The following NDUFV2 variants were observed in gnomAD, a reference collection of about 807,000 sequenced individuals.
NDUFV2 encodes the protein NADH:ubiquinone oxidoreductase core subunit V2.
NDUFV2 carries 18 observed loss-of-function variants against 31.6 expected under a neutral mutation model. That is an observed-to-expected ratio of 0.57 (90% CI 0.39 to 0.84). The LOEUF (loss-of-function observed/expected upper bound fraction) is 0.84. Ranked by LOEUF, NDUFV2 falls within the 40% of genes least tolerant of loss-of-function variation. NDUFV2 has a pLI of 0.00. For synonymous variants in NDUFV2, 83 were observed against 99.8 expected (o/e 0.83, Z 1.01); for missense variants, 314 against 303.6 (o/e 1.03, Z -0.26).
At chr18:9,118,013 C>A in intron 2 of NDUFV2, 110 bp downstream of exon 2, 1 of 763,276 alleles carries the variant, frequency 1.3e-6, no homozygotes, top group South Asian at 1.5e-5. Context: ...ATATGATGGT[C>A]ATCGTGAGAA....
rs2077907176 is a variant in NDUFV2, at chr18:9,117,900, T to G, written c.117T>G (p.Phe39Leu). 5 of 1,587,474 alleles carry G rather than the reference T, an allele frequency of 3.1e-6. No individual in the cohort carries two copies. Among genetic ancestry groups the G allele is most frequent in the Non-Finnish European group, 4.3e-6 (5 of 1,155,880 alleles). The change falls in exon 2 of 8, where the codon TTT (phenylalanine) becomes TTG (leucine). Residue 39 changes from phenylalanine (F) to leucine (L), a missense_variant. By Grantham distance (22) the Phe-to-Leu change is conservative. Coordinates refer to ENST00000318388, the MANE Select transcript of NDUFV2 (RefSeq NM_021074.5). ...VMQNGAGGAL[F>L]VHRDTPENNP... is the part of the protein sequence containing the mutation. ...AAAATGGAGCTGGAGGAGCTTTATT[T>G]GTGGTAAGTAATTACTTAGATTTCT...
At chr18:9,103,218 G>T in intron 1 of NDUFV2, 1 of 398,820 alleles carries the variant, frequency 2.5e-6, no homozygotes, top group Non-Finnish European at 4.4e-6. Flanking sequence ...GCTCTGGCTT[G>T]CTTCGTGAAG....
intron 7 of NDUFV2, among the ~76,000 whole-genome samples, chr18:9,127,116 G>A (rs986683664): frequency 6.6e-6 from 1 of 152,112 alleles, no homozygotes; most frequent in African/African-American, 2.4e-5. Context: ...TATTTATAGA[G>A]AAGGAAATTT....
At position 9,124,768 on chromosome 18, in the gene NDUFV2, G is replaced by T. The variant is rs575243713; in HGVS notation, c.470-106G>T. 126 of 1,216,362 alleles carry T rather than the reference G, an allele frequency of 1.0e-4. No individual in the cohort carries two copies. In the African/African-American group the frequency reaches 1.8e-3, roughly 18 times the overall value. 75.3% of individuals were successfully genotyped at this position (1,216,362 alleles called of 1,614,324 possible). On this transcript the variant is annotated intron_variant, in intron 5 of 7. Transcript: ENST00000318388. Reference sequence around the variant, plus strand: ...TGGCCTCTTTTTAAAAAACTTAATAGTCTTAAACTTTTAATATACCTCTAT... The same window carrying T: ...TGGCCTCTTTTTAAAAAACTTAATATTCTTAAACTTTTAATATACCTCTAT...
chr18:9,127,633 G>C lies in NDUFV2; in HGVS notation c.656+726G>C, dbSNP rs552042891. ...ATTACAGGTGCCAGCCACCACGCCC[G>C]GCTAATTTTTTGTATTTTTAGTAGT... On this transcript the variant is annotated intron_variant, in intron 7 of 7. Transcript: ENST00000318388. 5.9e-5 allele frequency among the ~76,000 whole-genome samples: 9 copies of C among 152,102 alleles called. No homozygotes were observed. In the South Asian group the frequency reaches 1.9e-3, roughly 32 times the overall value.
intron 6 of NDUFV2, 53 bp from the exon 7 acceptor site, chr18:9,126,778 A>G: frequency 6.9e-7 from 1 of 1,456,762 alleles, no homozygotes; most frequent in Non-Finnish European, 9.6e-7. Flanking sequence ...CTATAAATAT[A>G]TCGATATAAA....
intron 1 of NDUFV2, among the ~76,000 whole-genome samples, chr18:9,111,190 A>G (rs1282144257): frequency 1.3e-5 from 2 of 152,254 alleles, no homozygotes; most frequent in East Asian, 3.9e-4. Context: ...TGGCCCTAGG[A>G]TCTAACATAA....
At chr18:9,122,406 G>A in intron 4 of NDUFV2, 107 bp from the exon 5 acceptor site, 1 of 1,084,190 alleles carries the variant, frequency 9.2e-7, no homozygotes. Flanking sequence ...GAACTTTTCT[G>A]TTTTTACCAA....
chr18:9,119,825 T>A (rs1232138544), intron 4 of NDUFV2, among the ~76,000 whole-genome samples: 1 of 151,948 alleles, frequency 6.6e-6, no homozygotes, highest in East Asian at 1.9e-4. Flanking sequence ...AGAGGGTATG[T>A]GTTTTTTTTT....
intron 5 of NDUFV2, 44 bp from the exon 6 acceptor site, chr18:9,124,830 T>C: frequency 1.3e-6 from 2 of 1,551,916 alleles, no homozygotes; most frequent in African/African-American, 1.4e-5. Context: ...CAAATGACTA[T>C]TAAAATATAA....
At chr18:9,112,376 A>G (rs1484771845) in intron 1 of NDUFV2, 1 of 152,198 alleles carries the variant, frequency 6.6e-6, no homozygotes, top group Admixed American at 6.5e-5. Context: ...TTGGATTGAG[A>G]AAAAGGGATC....
At chr18:9,104,815 C>G (rs187334170) in intron 1 of NDUFV2, 4 of 884,392 alleles carry the variant, frequency 4.5e-6, no homozygotes, top group African/African-American at 1.7e-5. Flanking sequence ...TTATTACACA[C>G]GTCATACGTG....
At chr18:9,117,110 C>G (rs953720015) in intron 1 of NDUFV2, among the ~76,000 whole-genome samples, 11 of 151,424 alleles carry the variant, frequency 7.3e-5, no homozygotes, top group African/African-American at 2.4e-4. Flanking sequence ...GATCTCGGCT[C>G]ACTGCAACCT....
At chr18:9,125,208 T>C (rs969525817) in intron 6 of NDUFV2, among the ~76,000 whole-genome samples, 2 of 152,196 alleles carry the variant, frequency 1.3e-5, no homozygotes, top group Non-Finnish European at 2.9e-5. Context: ...AATTTGGATA[T>C]TAATACAGAA....
chr18:9,122,703 T>C (rs758460766), intron 5 of NDUFV2, 22 bp downstream of exon 5: 4 of 1,611,356 alleles, frequency 2.5e-6, no homozygotes, highest in Non-Finnish European at 3.4e-6. Context: ...ATGATATTTG[T>C]AACACTGATA....
intron 7 of NDUFV2, chr18:9,133,647 A>G (rs2078059431): frequency 6.5e-6 from 1 of 153,274 alleles, no homozygotes; most frequent in Non-Finnish European, 1.5e-5. Context: ...TCCAGTTTCT[A>G]TTTCCAAATA....
At chr18:9,119,066 G>C (rs184992535) in intron 2 of NDUFV2, among the ~76,000 whole-genome samples, 1 of 151,832 alleles carries the variant, frequency 6.6e-6, no homozygotes, top group African/African-American at 2.4e-5. Flanking sequence ...TTGTTGTTTG[G>C]GTTTTTTTGG....
chr18:9,132,069 A>G (rs1475611354), intron 7 of NDUFV2, among the ~76,000 whole-genome samples: 2 of 152,188 alleles, frequency 1.3e-5, no homozygotes, highest in Non-Finnish European at 2.9e-5. Flanking sequence ...ACAGCCAGAC[A>G]TACTGGATCA....
rs138472116 is a variant in NDUFV2 at position 9,124,919 on chromosome 18, T to C, written c.515T>C (p.Ile172Thr). The change falls in exon 6 of 8, where the codon ATA becomes ACA. Residue 172 changes from isoleucine (I) to threonine (T), a missense_variant. Coordinates refer to ENST00000318388, the MANE Select transcript of NDUFV2 (RefSeq NM_021074.5). ...ETTPDKLFTL[I>T]EVECLGACVN... The stretch of plus-strand genomic sequence containing the variant: ...ACACCTGACAAACTTTTCACTCTTA[T>C]AGAAGTGGAATGTTTAGGGGCCTGT... 201 of 1,613,394 alleles carry C rather than the reference T, an allele frequency of 1.2e-4. No homozygotes were observed. The African/African-American group carries it at 2.3e-3, about 18-fold the overall frequency.
Sources: allele counts gnomAD v4.1 joint callset (sites outside exome capture counted in the v4.1 genomes callset), GRCh38; gene constraint gnomAD v4.1.1; transcripts MANE v1.5; gene names NCBI Gene and HGNC (gene_info 2026-07-23, HGNC 2026-07-21).